The following MARCHF10 variants were observed in gnomAD, a reference collection of about 807,000 sequenced individuals.
The protein encoded by MARCHF10 is membrane associated ring-CH-type finger 10, also known as probable E3 ubiquitin-protein ligase MARCHF10.
In MARCHF10, 64 loss-of-function variants were observed where a neutral mutation model predicts 76.2. The observed-to-expected ratio is 0.84, with a 90% confidence interval of 0.69 to 1.03. The LOEUF (loss-of-function observed/expected upper bound fraction) is 1.03, where lower values mean the gene tolerates loss of function less well. MARCHF10 is among the 50% of genes least tolerant of loss of function. MARCHF10 has a pLI of 0.00. For missense variants in MARCHF10, 875 were observed against 958.0 expected, an observed-to-expected ratio of 0.91 and a Z score of 1.14; for synonymous variants, 340 against 357.5, an observed-to-expected ratio of 0.95 and a Z score of 0.55.
intron 8 of MARCHF10, among the ~76,000 whole-genome samples, chr17:62,721,250 CT>C (rs994769878): frequency 1.3e-5 from 2 of 152,042 alleles, no homozygotes; most frequent in African/African-American, 4.8e-5. Flanking sequence ...CTTTTTAAAG[CT>C]TTTTACTTGT....
chr17:62,765,013 A>C (rs924669484), intron 3 of MARCHF10, among the ~76,000 whole-genome samples: 1 of 152,112 alleles, frequency 6.6e-6, no homozygotes, highest in Admixed American at 6.5e-5. Flanking sequence ...GCTGGGTAAG[A>C]CTAGGCACTA....
intron 6 of MARCHF10, among the ~76,000 whole-genome samples, chr17:62,726,682 G>A (rs2090771477): frequency 6.6e-6 from 1 of 152,130 alleles, no homozygotes; most frequent in Non-Finnish European, 1.5e-5. Context: ...ACCCAGGCTG[G>A]AGTGCAGTGG....
intron 8 of MARCHF10, among the ~76,000 whole-genome samples, chr17:62,716,615 A>G (rs927155408): frequency 6.6e-6 from 1 of 151,998 alleles, no homozygotes; most frequent in Non-Finnish European, 1.5e-5. Context: ...GAAGACCTGC[A>G]GCTAAATGTT....
chr17:62,707,076 A>G (rs951022608), intron 9 of MARCHF10, among the ~76,000 whole-genome samples: 1 of 152,094 alleles, frequency 6.6e-6, no homozygotes, highest in Non-Finnish European at 1.5e-5. Context: ...TGTCCTTCCC[A>G]TGTCTGATGC....
chr17:62,777,721 AAAAAAAG>A (rs1364222874), intron 3 of MARCHF10, among the ~76,000 whole-genome samples: 18 of 149,964 alleles, frequency 1.2e-4, no homozygotes, highest in Non-Finnish European at 2.4e-4. Flanking sequence ...CTCAAAAAAA[AAAAAAAG>A]AAAAAAAAAA....
At chr17:62,730,828 A>C (rs2147769477) in intron 6 of MARCHF10, among the ~76,000 whole-genome samples, 1 of 152,218 alleles carries the variant, frequency 6.6e-6, no homozygotes, top group East Asian at 1.9e-4. Context: ...CGGGAGGCGG[A>C]GCTTGCAGTG....
chr17:62,753,889 G>A (rs952083314), intron 4 of MARCHF10, among the ~76,000 whole-genome samples: 8 of 152,134 alleles, frequency 5.3e-5, no homozygotes, highest in African/African-American at 1.7e-4. Context: ...AGGTAAATAC[G>A]TATAAATGAA....
At chr17:62,807,380 G>A (rs917878654) in intron 1 of MARCHF10, among the ~76,000 whole-genome samples, 8 of 151,958 alleles carry the variant, frequency 5.3e-5, no homozygotes, top group Admixed American at 3.3e-4. Context: ...GGGGTGGAGG[G>A]TGGGGAACAG....
In MARCHF10 at chr17:62,711,232, C is replaced by G; in HGVS notation, c.2327G>C (p.Arg776Thr). The change falls in exon 9 of 11, where the codon AGG becomes ACG. Residue 776 changes from arginine (R) to threonine (T), a missense_variant and splice_region_variant. Physicochemically the swap from Arg to Thr is moderately conservative, Grantham distance 71. Coordinates refer to ENST00000311269, the MANE Select transcript of MARCHF10 (RefSeq NM_152598.4). This position sits in a 1 kb window ranked among gnomAD's most constrained non-coding sequence, Gnocchi z 4.4. ...RLNHNQVERE[R>T]LSRNYPQPRT... ...GCTCTGGGTCACAGCCAGACTTACCCTCTCTCTTTCCACCTGGTTGTGGTT... is the reference window on the plus strand; with the variant it reads ...GCTCTGGGTCACAGCCAGACTTACCGTCTCTCTTTCCACCTGGTTGTGGTT... The G allele has an allele frequency of 1.2e-6, 2 of 1,613,794 alleles. No individual in the cohort carries two copies. The highest frequency in any genetic ancestry group is 1.7e-6 in the Non-Finnish European group (2 of 1,179,716).
intron 9 of MARCHF10, among the ~76,000 whole-genome samples, chr17:62,708,278 C>G (rs961718531): frequency 1.3e-5 from 2 of 148,296 alleles, no homozygotes; most frequent in African/African-American, 2.5e-5. Flanking sequence ...CAGAGTCTTG[C>G]TCTGTTGCCC....
intron 5 of MARCHF10, among the ~76,000 whole-genome samples, chr17:62,740,096 G>A (rs1202076276): frequency 6.7e-6 from 1 of 149,618 alleles, no homozygotes; most frequent in Non-Finnish European, 1.5e-5. Context: ...GTGTGTGTGT[G>A]TTTCCCCTAA....
intron 2 of MARCHF10, among the ~76,000 whole-genome samples, chr17:62,800,624 G>T (rs1282257080): frequency 6.6e-6 from 1 of 152,176 alleles, no homozygotes; most frequent in African/African-American, 2.4e-5. Flanking sequence ...GGAAAAACCT[G>T]ATAACAGCAG....
intron 4 of MARCHF10, among the ~76,000 whole-genome samples, chr17:62,758,780 G>C (rs994577972): frequency 3.9e-5 from 6 of 152,200 alleles, no homozygotes; most frequent in African/African-American, 1.4e-4. Context: ...CTGTGATTTG[G>C]ATTTTAATGA....
At chr17:62,802,991 C>T (rs951174675) in intron 1 of MARCHF10, among the ~76,000 whole-genome samples, 4 of 152,134 alleles carry the variant, frequency 2.6e-5, no homozygotes, top group Non-Finnish European at 4.4e-5. Flanking sequence ...AGATCTTGCT[C>T]CGCCATCCAG....
chr17:62,737,448 A>G (rs1343412016), intron 5 of MARCHF10, 116 bp from the exon 6 acceptor site: 1 of 943,810 alleles, frequency 1.1e-6, no homozygotes, highest in African/African-American at 1.7e-5. Context: ...TAGAGAAGAA[A>G]ACAGACACGG....
chr17:62,786,388 G>T (rs1436081008), intron 3 of MARCHF10, among the ~76,000 whole-genome samples: 1 of 151,736 alleles, frequency 6.6e-6, no homozygotes, highest in Non-Finnish European at 1.5e-5. Flanking sequence ...GTCATGGGGT[G>T]GGGGGCTGGG....
intron 6 of MARCHF10, among the ~76,000 whole-genome samples, chr17:62,731,192 T>C (rs1308309138): frequency 6.6e-6 from 1 of 152,104 alleles, no homozygotes; most frequent in African/African-American, 2.4e-5. Flanking sequence ...ACACCAAAAA[T>C]ATATACATAA....
intron 8 of MARCHF10, among the ~76,000 whole-genome samples, 197 bp downstream of exon 8, chr17:62,722,277 CAAAAAAAAAAAAAA>C (rs57370093): frequency 1.3e-5 from 1 of 78,962 alleles, no homozygotes; most frequent in Non-Finnish European, 2.5e-5. Context: ...GACTCTGTCT[CAAAAAAAAAAAAAA>C]AAAAAAAAGG....
chr17:62,774,550 T>A (rs1038614015), intron 3 of MARCHF10, among the ~76,000 whole-genome samples: 1 of 152,028 alleles, frequency 6.6e-6, no homozygotes, highest in South Asian at 2.1e-4. Context: ...CCAGCTTCAC[T>A]GCGGCAGGGA....
Sources: allele counts gnomAD v4.1 joint callset (sites outside exome capture counted in the v4.1 genomes callset), GRCh38; gene constraint gnomAD v4.1.1; non-coding constraint Gnocchi (gnomAD v3.1); transcripts MANE v1.5; gene names NCBI Gene and HGNC (gene_info 2026-07-23, HGNC 2026-07-21).